Variants in SGMS1 observed in about 807,000 individuals in gnomAD.
SGMS1 encodes sphingomyelin synthase 1.
In SGMS1, 13 loss-of-function variants were observed where a neutral mutation model predicts 46.2. The ratio of observed to expected loss-of-function variants is 0.28; its 90% CI spans 0.18 to 0.45. SGMS1 has a LOEUF of 0.45. SGMS1 is among the 20% of genes least tolerant of loss of function. The pLI is 1.00. For synonymous variants in SGMS1, 203 were observed against 187.8 expected, an observed-to-expected ratio of 1.08 and a Z score of -0.66; for missense variants, 324 against 519.9, an observed-to-expected ratio of 0.62 and a Z score of 3.66.
At chr10:50,605,692 C>CAGTG (rs745541177) in intron 1 of SGMS1, among the ~76,000 whole-genome samples, 2 of 152,182 alleles carry the variant, frequency 1.3e-5, no homozygotes, top group Non-Finnish European at 2.9e-5. Flanking sequence ...CTTGACCACA[C>CAGTG]AGTGATAAGG....
intron 2 of SGMS1, among the ~76,000 whole-genome samples, chr10:50,524,107 A>T (rs1440912746): frequency 6.6e-6 from 1 of 152,224 alleles, no homozygotes; most frequent in Admixed American, 6.5e-5. Context: ...CTTAAAAGTG[A>T]GCATCTGATG....
chr10:50,610,507 C>T (rs1838739851), intron 1 of SGMS1, among the ~76,000 whole-genome samples: 1 of 152,152 alleles, frequency 6.6e-6, no homozygotes, highest in South Asian at 2.1e-4. Flanking sequence ...GCTTGAGAAA[C>T]TCCTGAGAGC....
chr10:50,450,564 A>C (rs193156570), intron 5 of SGMS1, among the ~76,000 whole-genome samples: 1 of 152,322 alleles, frequency 6.6e-6, no homozygotes, highest in African/African-American at 2.4e-5. Flanking sequence ...AAAAGATTCC[A>C]TAAATAAGCT....
At chr10:50,392,802 G>GGA (rs1236562457) in intron 6 of SGMS1, among the ~76,000 whole-genome samples, 3 of 152,116 alleles carry the variant, frequency 2.0e-5, no homozygotes, top group African/African-American at 7.2e-5. Flanking sequence ...TAGGGGAAAG[G>GGA]GAGAGAGAGA....
intron 3 of SGMS1, among the ~76,000 whole-genome samples, chr10:50,507,150 C>T (rs1837714122): frequency 6.6e-6 from 1 of 152,110 alleles, no homozygotes; most frequent in Non-Finnish European, 1.5e-5. Context: ...CCTGTCAGGC[C>T]ATCCTTCTGA....
At chr10:50,328,007 G>A in intron 7 of SGMS1, 1 of 357,690 alleles carries the variant, frequency 2.8e-6, no homozygotes, top group South Asian at 2.2e-5. Context: ...CAAATGGTAG[G>A]TATCAAATGT....
intron 6 of SGMS1, among the ~76,000 whole-genome samples, chr10:50,380,175 G>A (rs988050675): frequency 6.6e-6 from 1 of 152,088 alleles, no homozygotes; most frequent in African/African-American, 2.4e-5. Flanking sequence ...GAGGTCAGAT[G>A]TTTGAGACCA....
chr10:50,584,498 C>CAAA (rs751224205), intron 2 of SGMS1, among the ~76,000 whole-genome samples: 23 of 69,452 alleles, frequency 3.3e-4, no homozygotes, highest in Non-Finnish European at 4.3e-4. Context: ...GACTCCATCT[C>CAAA]AAAAAAAAAA....
intron 6 of SGMS1, among the ~76,000 whole-genome samples, chr10:50,351,134 G>A (rs1391779907): frequency 6.6e-6 from 1 of 152,210 alleles, no homozygotes; most frequent in East Asian, 1.9e-4. Flanking sequence ...TGGAGTCAAA[G>A]GAGATCATTT....
chr10:50,368,585 A>G (rs1342835639), intron 6 of SGMS1, among the ~76,000 whole-genome samples: 1 of 152,136 alleles, frequency 6.6e-6, no homozygotes, highest in Non-Finnish European at 1.5e-5. Context: ...TGAACTCCTG[A>G]CCTCAGGTGA....
chr10:50,599,404 G>A (rs1838627507), intron 1 of SGMS1, among the ~76,000 whole-genome samples: 1 of 152,090 alleles, frequency 6.6e-6, no homozygotes, highest in Non-Finnish European at 1.5e-5. Flanking sequence ...GCCCACTTCA[G>A]AGGCTGTAAT....
At chr10:50,585,939 T>C (rs1265539788) in intron 2 of SGMS1, among the ~76,000 whole-genome samples, 1 of 152,216 alleles carries the variant, frequency 6.6e-6, no homozygotes. Flanking sequence ...TCCTTGCTTT[T>C]ATGAAGTAAA....
intron 1 of SGMS1, among the ~76,000 whole-genome samples, chr10:50,610,225 C>A (rs1206734440): frequency 6.6e-6 from 1 of 152,162 alleles, no homozygotes; most frequent in Admixed American, 6.5e-5. Context: ...TCTGCCTCAC[C>A]CCCTTTTACC....
intron 7 of SGMS1, among the ~76,000 whole-genome samples, chr10:50,333,328 C>T (rs558340767): frequency 4.0e-4 from 61 of 152,308 alleles, no homozygotes; most frequent in African/African-American, 1.1e-3. Flanking sequence ...CTCTGAAGTC[C>T]TTTTCTACTT....
chr10:50,566,022 T>C (rs1838285253), intron 2 of SGMS1, among the ~76,000 whole-genome samples: 1 of 152,238 alleles, frequency 6.6e-6, no homozygotes, highest in Non-Finnish European at 1.5e-5. Flanking sequence ...ATGGTTTTTG[T>C]TGTGGTTCTG....
chr10:50,574,086 G>T (rs1392690806), intron 2 of SGMS1, among the ~76,000 whole-genome samples: 1 of 152,076 alleles, frequency 6.6e-6, no homozygotes, highest in African/African-American at 2.4e-5. Flanking sequence ...GAAAACACAG[G>T]GGGGAAGCTT....
Position 50,623,709 on chromosome 10 carries a change from G to A in SGMS1, c.-686C>T. 1 of 985,438 alleles carries A rather than the reference G, an allele frequency of 1.0e-6. No individual in the cohort carries two copies. The highest frequency in any genetic ancestry group is 1.2e-6 in the Non-Finnish European group (1 of 829,930). 61.0% of individuals were successfully genotyped at this position (985,438 alleles called of 1,614,324 possible). On this transcript the variant is annotated splice_region_variant and 5_prime_UTR_variant, in exon 1 of 11. Coordinates refer to ENST00000361781, the MANE Select transcript of SGMS1 (RefSeq NM_147156.4). ...TCTGTCCCTGCCCCACGACTCACTT[G>A]CACTGGAGTCACGGCAGCCGCCGGA...
chr10:50,321,552 A>G (rs1847444746), intron 8 of SGMS1, among the ~76,000 whole-genome samples: 1 of 152,252 alleles, frequency 6.6e-6, no homozygotes, highest in African/African-American at 2.4e-5. Context: ...AAGCAGAAAA[A>G]AAAGAATTGA....
chr10:50,332,604 T>A (rs1195582081), intron 7 of SGMS1, among the ~76,000 whole-genome samples: 2 of 150,566 alleles, frequency 1.3e-5, no homozygotes, highest in South Asian at 2.1e-4. Context: ...ATCTCCTTTT[T>A]TTAAGTCTTT....
Sources: allele counts gnomAD v4.1 joint callset (sites outside exome capture counted in the v4.1 genomes callset), GRCh38; gene constraint gnomAD v4.1.1; transcripts MANE v1.5; gene names NCBI Gene and HGNC (gene_info 2026-07-23, HGNC 2026-07-21).